Variants in HS1BP3 observed in about 807,000 individuals in gnomAD.
HS1BP3 encodes the protein HCLS1 binding protein 3, also known as HCLS1-binding protein 3.
Under a neutral mutation model 33.5 loss-of-function variants are expected in HS1BP3, and 32 were observed. The observed-to-expected ratio is 0.95, with a 90% CI of 0.72 to 1.28. The LOEUF (loss-of-function observed/expected upper bound fraction) is 1.28, where lower values mean the gene tolerates loss of function less well. HS1BP3 is among the 50% of genes most tolerant of loss of function. The probability of loss-of-function intolerance (pLI) is 0.00; values close to 1 mark genes in which losing one functional copy is unlikely to be tolerated. For missense variants in HS1BP3, 486 were observed against 502.3 expected, an observed-to-expected ratio of 0.97 and a Z score of 0.31; for synonymous variants, 187 against 209.2, an observed-to-expected ratio of 0.89 and a Z score of 0.92.
intron 5 of HS1BP3, among the ~76,000 whole-genome samples, chr2:20,572,912 C>T (rs920983176): frequency 6.6e-5 from 10 of 152,316 alleles, no homozygotes; most frequent in Admixed American, 2.0e-4. Context: ...CCTGGGCAGC[C>T]TTCCTGTCTG....
chr2:20,620,095 G>T (rs1470051025), intron 6 of HS1BP3, among the ~76,000 whole-genome samples: 1 of 152,234 alleles, frequency 6.6e-6, no homozygotes, highest in African/African-American at 2.4e-5. Context: ...TCCAGAACTT[G>T]ATTTCTGGAG....
chr2:20,633,405 G>T (rs1695025265), intron 4 of HS1BP3, among the ~76,000 whole-genome samples: 1 of 152,224 alleles, frequency 6.6e-6, no homozygotes, highest in African/African-American at 2.4e-5. Context: ...TATTTCTCTT[G>T]AGCCAAAGGT....
chr2:20,650,603 G>GC (rs1170918985), intron 1 of HS1BP3, among the ~76,000 whole-genome samples: 1 of 152,212 alleles, frequency 6.6e-6, no homozygotes, highest in Non-Finnish European at 1.5e-5. Context: ...CTCCGCTGCA[G>GC]CCCCCTGCAG....
intron 2 of HS1BP3, among the ~76,000 whole-genome samples, chr2:20,603,220 T>C (rs746063729): frequency 6.6e-6 from 1 of 152,242 alleles, no homozygotes; most frequent in Non-Finnish European, 1.5e-5. Flanking sequence ...GCAATTCTAC[T>C]GTTAGGTATA....
rs530448976 is a variant in HS1BP3, at chr2:20,632,407, G to C, written c.623+6029C>G. On this transcript the variant is annotated intron_variant, in intron 4 of 6. Coordinates refer to ENST00000304031, the MANE Select transcript of HS1BP3 (RefSeq NM_022460.4). ...ACCCATGTCATCAAAAACCGAGAGT[G>C]AACAGGTGAGGGCTGAGAAGTCAGT... Among the ~76,000 whole-genome samples the C allele has an allele frequency of 2.6e-5, 4 of 152,318 alleles. No homozygotes were observed. In the East Asian group the frequency reaches 5.8e-4, roughly 22 times the overall value.
At chr2:20,650,241 T>G (rs1695650525) in intron 1 of HS1BP3, among the ~76,000 whole-genome samples, 1 of 152,242 alleles carries the variant, frequency 6.6e-6, no homozygotes, top group South Asian at 2.1e-4. Context: ...CATCTTAGCC[T>G]AAGACTTTGT....
chr2:20,593,137 T>C (rs545531613), intron 3 of HS1BP3, among the ~76,000 whole-genome samples: 1 of 150,722 alleles, frequency 6.6e-6, no homozygotes, highest in African/African-American at 2.4e-5. Context: ...CCTTGGCAGA[T>C]GCTGGCCTTT....
downstream of HS1BP3, among the ~76,000 whole-genome samples, chr2:20,588,004 A>C (rs922843717): frequency 6.6e-6 from 1 of 151,968 alleles, no homozygotes; most frequent in African/African-American, 2.4e-5. Context: ...ACCCCAGGAC[A>C]TGGGACACCT....
intron 5 of HS1BP3, among the ~76,000 whole-genome samples, chr2:20,573,407 A>T (rs531236687): frequency 2.0e-5 from 3 of 152,310 alleles, no homozygotes; most frequent in South Asian, 2.1e-4. Flanking sequence ...AACCCGTGGT[A>T]CTTTGAGTCT....
At chr2:20,555,836 C>A (rs1363387911), downstream of HS1BP3, among the ~76,000 whole-genome samples, 15 of 152,176 alleles carry the variant, frequency 9.9e-5, 1 homozygote, top group Non-Finnish European at 7.3e-5. Flanking sequence ...TAGAAACTCC[C>A]AGACACACCC....
intron 5 of HS1BP3, among the ~76,000 whole-genome samples, chr2:20,577,544 C>T (rs544257576): frequency 6.6e-6 from 1 of 152,290 alleles, no homozygotes; most frequent in East Asian, 1.9e-4. Flanking sequence ...GAGGTGTCCC[C>T]CCAGCTCCAC....
intron 5 of HS1BP3, among the ~76,000 whole-genome samples, chr2:20,585,509 G>A (rs1489616246): frequency 6.6e-6 from 1 of 152,218 alleles, no homozygotes; most frequent in Non-Finnish European, 1.5e-5. Flanking sequence ...GCTCAGAGAA[G>A]ATAAGTAACT....
intron 5 of HS1BP3, 39 bp downstream of exon 5, chr2:20,624,693 C>T (rs779311214): frequency 2.5e-5 from 39 of 1,543,364 alleles, no homozygotes; most frequent in East Asian, 2.3e-4. Flanking sequence ...GGCTGGGCAC[C>T]GAGAGGACAC....
intron 4 of HS1BP3, among the ~76,000 whole-genome samples, chr2:20,626,298 C>T (rs778821459): frequency 6.6e-6 from 1 of 152,242 alleles, no homozygotes; most frequent in Admixed American, 6.5e-5. Context: ...AGGAAGGCTC[C>T]CTGCTGGAAG....
intron 4 of HS1BP3, among the ~76,000 whole-genome samples, chr2:20,632,386 A>T (rs2149296586): frequency 6.6e-6 from 1 of 152,326 alleles, no homozygotes; most frequent in East Asian, 1.9e-4. Flanking sequence ...CCCATCACCC[A>T]TGTCATCAAA....
At chr2:20,615,758 G>A (rs930109781), downstream of HS1BP3, among the ~76,000 whole-genome samples, 6 of 152,224 alleles carry the variant, frequency 3.9e-5, no homozygotes, top group South Asian at 2.1e-4. Context: ...CCAGGTGGCC[G>A]CTGGACAATA....
rs750241786 is a variant in HS1BP3 at position 20,645,504 on chromosome 2, G to T, written c.34C>A (p.Arg12=). 1.2e-6 allele frequency: 2 copies of T among 1,610,894 alleles called. No individual in the cohort carries two copies. The highest frequency in any genetic ancestry group is 2.7e-5 in the African/African-American group (2 of 74,966). ...AGGCCAGTGTGGGCATTCTGAAGTC[G>T]CCTGCCAGGGGAAAAGAAGGCAGGT... The part of the protein sequence containing the change: ...QSPAVLVTSR[R]LQNAHTGLDL... Residue 12 remains arginine (R), a splice_region_variant and synonymous_variant, in exon 2 of 7, where the codon CGA becomes AGA. Coordinates refer to ENST00000304031, the MANE Select transcript of HS1BP3 (RefSeq NM_022460.4).
At chr2:20,598,590 G>C (rs1459463912) in intron 2 of HS1BP3, among the ~76,000 whole-genome samples, 1 of 105,426 alleles carries the variant, frequency 9.5e-6, no homozygotes, top group Non-Finnish European at 1.7e-5. Flanking sequence ...ACGGAGTCTC[G>C]CTCTGTCGCC....
chr2:20,579,055 C>T (rs538670323), intron 5 of HS1BP3, among the ~76,000 whole-genome samples: 10 of 152,354 alleles, frequency 6.6e-5, no homozygotes, highest in Middle Eastern at 3.4e-3. Flanking sequence ...GACTTCCTTC[C>T]GGTCTCAGGT....
Sources: gnomAD v4.1 joint callset for allele counts (sites outside exome capture counted in the v4.1 genomes callset) on GRCh38, gnomAD v4.1.1 for gene constraint, MANE v1.5 for transcripts, NCBI Gene and HGNC (gene_info 2026-07-23, HGNC 2026-07-21) for gene names.